PPME1: variants seen among roughly 807,000 people sequenced by gnomAD.
PPME1 encodes the protein protein phosphatase methylesterase 1.
In PPME1, 17 loss-of-function variants were observed where a neutral mutation model predicts 56.9. The ratio of observed to expected loss-of-function variants is 0.30; its 90% CI spans 0.20 to 0.45. The LOEUF (loss-of-function observed/expected upper bound fraction) is 0.45, where lower values mean the gene tolerates loss of function less well. Among genes scored for constraint, PPME1 ranks in the 20% least tolerant of loss-of-function variants. The probability of loss-of-function intolerance (pLI) is 1.00; values close to 1 mark genes in which losing one functional copy is unlikely to be tolerated. For missense variants in PPME1, 357 were observed against 483.2 expected (o/e 0.74, Z 2.45); for synonymous variants, 122 against 156.2 (o/e 0.78, Z 1.63).
intron 1 of PPME1, among the ~76,000 whole-genome samples, chr11:74,200,357 TTGTGTGTGTGTGTGTGTGTGTG>T (rs71919163): frequency 4.1e-5 from 6 of 145,918 alleles, no homozygotes; most frequent in South Asian, 4.4e-4. Flanking sequence ...GTCATGTGTT[TTGTGTGTGTGTGTGTGTGTGTG>T]TGTGTGTGTG....
At chr11:74,202,103 T>A (rs1168339107) in intron 1 of PPME1, among the ~76,000 whole-genome samples, 2 of 152,210 alleles carry the variant, frequency 1.3e-5, no homozygotes, top group Non-Finnish European at 2.9e-5. Context: ...GTCTCTGCAA[T>A]CCAAGGCAGA....
rs184025686 is a variant in PPME1, at chr11:74,239,498, T to C, written c.834+242T>C. Among the ~76,000 whole-genome samples the C allele has an allele frequency of 8.1e-3, 1,229 of 152,198 alleles. 5 individuals are homozygous for C. The highest frequency in any genetic ancestry group is 0.014 in the Non-Finnish European group (972 of 67,998). On this transcript the variant is annotated intron_variant, in intron 9 of 13. Coordinates refer to ENST00000328257, the MANE Select transcript of PPME1 (RefSeq NM_016147.3). ...CCCTAAAACAGACTGCTTTCTCACC[T>C]GTTCTTCTGTTCCTGTGTTTCCTCC...
intron 5 of PPME1, among the ~76,000 whole-genome samples, chr11:74,228,145 T>TAA: frequency 7.0e-6 from 1 of 142,610 alleles, no homozygotes. Context: ...GTCTTTTCTT[T>TAA]AAAAAAAAAA....
chr11:74,187,243 A>G (rs957565158), intron 1 of PPME1, among the ~76,000 whole-genome samples: 24 of 152,100 alleles, frequency 1.6e-4, no homozygotes, highest in African/African-American at 5.8e-4. Context: ...GAATTTCCAT[A>G]TGAATTTTAG....
intron 3 of PPME1, 77 bp downstream of exon 3, chr11:74,204,522 T>G: frequency 8.0e-7 from 1 of 1,251,286 alleles, no homozygotes; most frequent in Non-Finnish European, 1.1e-6. Flanking sequence ...ATCTTGGAAG[T>G]TAACACATTC....
At chr11:74,213,741 C>G (rs979676958) in intron 3 of PPME1, among the ~76,000 whole-genome samples, 1 of 152,250 alleles carries the variant, frequency 6.6e-6, no homozygotes, top group African/African-American at 2.4e-5. Flanking sequence ...AAAATAGTAC[C>G]TCTGTGAGTC....
intron 3 of PPME1, among the ~76,000 whole-genome samples, chr11:74,215,401 A>G (rs553106136): frequency 6.6e-6 from 1 of 152,278 alleles, no homozygotes; most frequent in Admixed American, 6.5e-5. Context: ...TAAAATGTAG[A>G]GTTTTTATTG....
At chr11:74,219,331 C>T (rs1163676416) in intron 3 of PPME1, among the ~76,000 whole-genome samples, 1 of 141,540 alleles carries the variant, frequency 7.1e-6, no homozygotes, top group East Asian at 2.2e-4. Context: ...TTTGTTGATT[C>T]CTTAAAAAAA....
chr11:74,235,135 CTAAG>C (rs1859159337), intron 7 of PPME1, among the ~76,000 whole-genome samples: 2 of 152,130 alleles, frequency 1.3e-5, no homozygotes, highest in Non-Finnish European at 2.9e-5. Context: ...ATTTTTTAAA[CTAAG>C]AAATGAGATT....
At chr11:74,248,257 A>G (rs1428442870) in intron 11 of PPME1, 1 of 152,254 alleles carries the variant, frequency 6.6e-6, no homozygotes, top group East Asian at 1.9e-4. Context: ...AGGCTCAGGC[A>G]GAATCTGTTC....
intron 1 of PPME1, among the ~76,000 whole-genome samples, chr11:74,189,102 A>G (rs572039087): frequency 1.1e-4 from 16 of 152,222 alleles, no homozygotes; most frequent in Admixed American, 2.0e-4. Flanking sequence ...CATAAAAGAT[A>G]ACATTGGCCA....
At chr11:74,234,124 T>G (rs2135665545) in intron 7 of PPME1, among the ~76,000 whole-genome samples, 1 of 152,272 alleles carries the variant, frequency 6.6e-6, no homozygotes, top group Non-Finnish European at 1.5e-5. Flanking sequence ...GACTTAAGGA[T>G]GACTTCTAGG....
At chr11:74,247,372 A>C in intron 11 of PPME1, 2 of 451,236 alleles carry the variant, frequency 4.4e-6, no homozygotes, top group South Asian at 3.9e-5. Context: ...CCTATGTCTC[A>C]GTTATAAGAG....
chr11:74,182,113 G>A (rs1221739351), intron 1 of PPME1, among the ~76,000 whole-genome samples: 1 of 152,158 alleles, frequency 6.6e-6, no homozygotes, highest in African/African-American at 2.4e-5. Context: ...GTAGTAGAAG[G>A]AAGGTAGGTT....
At chr11:74,181,146 G>A (rs1591014445) in intron 1 of PPME1, among the ~76,000 whole-genome samples, 1 of 147,666 alleles carries the variant, frequency 6.8e-6, no homozygotes, top group Non-Finnish European at 1.5e-5. Context: ...CCGGGTTCAC[G>A]CCATTCTCCT....
chr11:74,206,740 A>AT (rs1360310474), intron 3 of PPME1, among the ~76,000 whole-genome samples: 2 of 151,846 alleles, frequency 1.3e-5, no homozygotes, highest in Admixed American at 1.3e-4. Context: ...CTAATTTTTA[A>AT]TTTTTTTGTA....
chr11:74,187,389 C>T (rs887647346), intron 1 of PPME1, among the ~76,000 whole-genome samples: 1 of 152,010 alleles, frequency 6.6e-6, no homozygotes, highest in African/African-American at 2.4e-5. Context: ...GGATGTCTTT[C>T]TTTTTATGTC....
At chr11:74,176,216 CTTATG>C (rs1376240006) in intron 1 of PPME1, among the ~76,000 whole-genome samples, 1 of 152,110 alleles carries the variant, frequency 6.6e-6, no homozygotes, top group Non-Finnish European at 1.5e-5. Context: ...CTTTCAGTTT[CTTATG>C]TTATCAGCTT....
intron 1 of PPME1, among the ~76,000 whole-genome samples, chr11:74,172,981 A>T (rs970703227): frequency 6.6e-6 from 1 of 152,158 alleles, no homozygotes; most frequent in African/African-American, 2.4e-5. Flanking sequence ...ACAGTGGGGT[A>T]AAGGAATGGG....
Sources: allele counts gnomAD v4.1 joint callset (sites outside exome capture counted in the v4.1 genomes callset), GRCh38; gene constraint gnomAD v4.1.1; transcripts MANE v1.5; gene names NCBI Gene and HGNC (gene_info 2026-07-23, HGNC 2026-07-21).